Variants in C10orf90 observed in about 807,000 individuals in gnomAD.
The protein encoded by C10orf90 is (E2-independent) E3 ubiquitin-conjugating enzyme FATS.
C10orf90 carries 56 observed loss-of-function variants against 62.5 expected under a neutral mutation model. The ratio of observed to expected loss-of-function variants is 0.90; its 90% CI spans 0.72 to 1.12. The LOEUF is 1.12. Among genes scored for constraint, C10orf90 ranks in the 50% most tolerant of loss-of-function variants. C10orf90 has a pLI of 0.00. For missense variants in C10orf90, 970 were observed against 880.4 expected (o/e 1.10, Z -1.29); for synonymous variants, 386 against 340.4 (o/e 1.13, Z -1.47).
intron 2 of C10orf90, among the ~76,000 whole-genome samples, chr10:126,600,038 T>C (rs753751990): frequency 6.6e-6 from 1 of 152,264 alleles, no homozygotes; most frequent in Non-Finnish European, 1.5e-5. Flanking sequence ...ATTATTTCGA[T>C]TAAAGCAGAG....
intron 2 of C10orf90, among the ~76,000 whole-genome samples, chr10:126,591,116 T>C (rs1844970803): frequency 6.6e-6 from 1 of 151,980 alleles, no homozygotes; most frequent in Admixed American, 6.5e-5. Context: ...CTACCAGAGG[T>C]ACAAAGAAGA....
intron 7 of C10orf90, among the ~76,000 whole-genome samples, chr10:126,445,314 G>A (rs1458329296): frequency 6.6e-6 from 1 of 151,486 alleles, no homozygotes; most frequent in African/African-American, 2.4e-5. Context: ...ACTCAAATCA[G>A]CAAGTAAAAA....
At chr10:126,511,680 G>A (rs1490740035) in intron 3 of C10orf90, among the ~76,000 whole-genome samples, 1 of 151,986 alleles carries the variant, frequency 6.6e-6, no homozygotes, top group Non-Finnish European at 1.5e-5. Context: ...ATGAGGAATT[G>A]CTTATGAGGG....
chr10:126,641,544 C>T (rs1400472056), intron 2 of C10orf90, among the ~76,000 whole-genome samples: 3 of 152,034 alleles, frequency 2.0e-5, no homozygotes, highest in South Asian at 2.1e-4. Flanking sequence ...TTCATCATTT[C>T]CCTCTCTATT....
chr10:126,527,232 G>A (rs146459883), intron 2 of C10orf90, among the ~76,000 whole-genome samples: 343 of 152,244 alleles, frequency 2.3e-3, no homozygotes, highest in African/African-American at 7.4e-3. Flanking sequence ...TGTTATTGTC[G>A]TCTTTTGGAT....
chr10:126,550,119 C>T (rs1864599799), intron 2 of C10orf90, among the ~76,000 whole-genome samples: 1 of 152,088 alleles, frequency 6.6e-6, no homozygotes, highest in South Asian at 2.1e-4. Context: ...CCACGCCTGG[C>T]TAATTTTTTG....
At chr10:126,462,893 T>C (rs1860076490) in intron 5 of C10orf90, among the ~76,000 whole-genome samples, 1 of 152,176 alleles carries the variant, frequency 6.6e-6, no homozygotes, top group Non-Finnish European at 1.5e-5. Flanking sequence ...GACGTCCCAC[T>C]TGCAGCTGTC....
At chr10:126,501,338 A>T (rs1862369027) in intron 4 of C10orf90, among the ~76,000 whole-genome samples, 1 of 152,166 alleles carries the variant, frequency 6.6e-6, no homozygotes, top group Non-Finnish European at 1.5e-5. Context: ...TTGTCACCTG[A>T]GAAGAAATAG....
At chr10:126,568,189 G>T (rs1342868575) in intron 2 of C10orf90, among the ~76,000 whole-genome samples, 1 of 152,170 alleles carries the variant, frequency 6.6e-6, no homozygotes, top group Non-Finnish European at 1.5e-5. Context: ...ATAACTCACA[G>T]GTCCCTAGCT....
intron 2 of C10orf90, among the ~76,000 whole-genome samples, chr10:126,573,029 C>T (rs1482166584): frequency 1.3e-5 from 2 of 152,084 alleles, no homozygotes; most frequent in African/African-American, 4.8e-5. Context: ...CAGGACGAGC[C>T]ACAGACAACA....
Position 126,503,993 on chromosome 10 carries a change from G to A in C10orf90, c.1498C>T (p.Leu500=). Residue 500 remains leucine, a synonymous_variant, in exon 4 of 10, where the codon CTG becomes TTG. Coordinates refer to ENST00000488181, the MANE Select transcript of C10orf90 (RefSeq NM_001350921.2). ...CTCCAGCCAGGAATGTGAATGGACA[G>A]TTGGTTGGCATGATCGCTGGCGTGA... ...HCHASDHANQ[L]SIHIPGWSYR... 6.2e-7 allele frequency: 1 copy of A among 1,613,194 alleles called. No homozygotes were observed. Among genetic ancestry groups the A allele is most frequent in the Non-Finnish European group, 8.5e-7 (1 of 1,179,900 alleles).
In C10orf90 at chr10:126,516,100, G is replaced by T. The variant is rs1221447566; in HGVS notation, c.314-2161C>A. Among the ~76,000 whole-genome samples, 7 of 152,224 alleles carry T rather than the reference G, an allele frequency of 4.6e-5. No homozygotes were observed. In the South Asian group the frequency reaches 6.2e-4, roughly 14 times the overall value. Reference sequence around the variant, plus strand: ...AACTTTGGAGTCAACACAGGCTGAGGCTAGACAGGTCTAGGCCTGCATCCT... The same window carrying T: ...AACTTTGGAGTCAACACAGGCTGAGTCTAGACAGGTCTAGGCCTGCATCCT... On this transcript the variant is annotated intron_variant, in intron 2 of 9. Transcript: ENST00000488181.
chr10:126,659,515 G>A lies in C10orf90; in HGVS notation c.240+10726C>T, dbSNP rs1196453787. The stretch of plus-strand genomic sequence containing the variant: ...TCTCCCATTTGTCTTCGGCCCTATT[G>A]GTTTCTCTAATACGTTATTATTCCT... On this transcript the variant is annotated intron_variant, in intron 1 of 9. Coordinates refer to ENST00000488181, the MANE Select transcript of C10orf90 (RefSeq NM_001350921.2). Among the ~76,000 whole-genome samples the A allele has an allele frequency of 2.6e-5, 4 of 152,148 alleles. No individual in the cohort carries two copies. The East Asian group carries it at 7.7e-4, about 29-fold the overall frequency.
At chr10:126,545,464 T>TA (rs11446250) in intron 2 of C10orf90, among the ~76,000 whole-genome samples, 112,490 of 150,220 alleles carry the variant, frequency 0.75, 42,249 homozygotes, top group Middle Eastern at 0.81. Context: ...GTCACTGATT[T>TA]AAAAAAAAAA....
intron 4 of C10orf90, chr10:126,502,787 A>T (rs1462073276): frequency 3.8e-6 from 2 of 527,402 alleles, no homozygotes; most frequent in Non-Finnish European, 7.7e-6. Context: ...AGTGGGATTT[A>T]TCTTTGGAAC....
rs538048163 is a variant in C10orf90, at chr10:126,465,089, G to C, written c.1535-103C>G. 6.4e-6 allele frequency: 8 copies of C among 1,248,838 alleles called. No homozygotes were observed. In the South Asian group the frequency reaches 1.0e-4, roughly 16 times the overall value. 77.4% of individuals were successfully genotyped at this position (1,248,838 alleles called of 1,614,324 possible). A position where few individuals can be genotyped will look rare whatever the true frequency, so the allele number is the denominator to read the frequency against. The stretch of plus-strand genomic sequence containing the variant: ...CTTTTCTCGGGACAGACTTGGGGGG[G>C]AGTACAGCACTGCAAGTTCAGTTAG... On this transcript the variant is annotated intron_variant, in intron 4 of 9. Transcript: ENST00000488181.
chr10:126,566,440 C>T (rs148934229), intron 2 of C10orf90, among the ~76,000 whole-genome samples: 10 of 152,192 alleles, frequency 6.6e-5, no homozygotes, highest in East Asian at 1.9e-4. Flanking sequence ...CAAGAATTAC[C>T]GCCAGTTTCA....
chr10:126,664,107 G>A (rs1160430955), intron 1 of C10orf90, among the ~76,000 whole-genome samples: 1 of 152,164 alleles, frequency 6.6e-6, no homozygotes, highest in East Asian at 1.9e-4. Context: ...AATGAAAACT[G>A]TGCATTCAGG....
intron 2 of C10orf90, among the ~76,000 whole-genome samples, chr10:126,576,056 G>A (rs1351009045): frequency 1.3e-5 from 2 of 151,952 alleles, no homozygotes; most frequent in African/African-American, 2.4e-5. Context: ...GGCAACAAAA[G>A]CAAAAATCAA....
Sources: allele counts gnomAD v4.1 joint callset (sites outside exome capture counted in the v4.1 genomes callset), GRCh38; gene constraint gnomAD v4.1.1; transcripts MANE v1.5; gene names NCBI Gene and HGNC (gene_info 2026-07-23, HGNC 2026-07-21).